WNT7B: variants seen among roughly 807,000 people sequenced by gnomAD.
The protein encoded by WNT7B is Wnt family member 7B, also known as protein Wnt-7b.
A neutral mutation model predicts 38.2 loss-of-function variants in WNT7B; 19 were observed. The observed-to-expected ratio is 0.50, with a 90% CI of 0.35 to 0.73. The LOEUF is 0.73. WNT7B is among the 30% of genes least tolerant of loss of function. The probability of loss-of-function intolerance (pLI) is 0.01; values close to 1 mark genes in which losing one functional copy is unlikely to be tolerated. For synonymous variants in WNT7B, 243 were observed against 209.3 expected, an observed-to-expected ratio of 1.16 and a Z score of -1.39; for missense variants, 423 against 507.9, an observed-to-expected ratio of 0.83 and a Z score of 1.61.
chr22:45,927,628 G>A (rs926928398), intron 3 of WNT7B: 4 of 811,968 alleles, frequency 4.9e-6, no homozygotes, highest in Non-Finnish European at 8.5e-6. Context: ...AGGTGCAGTG[G>A]CTCACACCTG....
intron 2 of WNT7B, among the ~76,000 whole-genome samples, chr22:45,935,645 C>A (rs1931496208): frequency 6.6e-6 from 1 of 152,192 alleles, no homozygotes; most frequent in African/African-American, 2.4e-5. Context: ...ACATCTGATT[C>A]TTTTCTGTAC....
chr22:45,963,487 G>A (rs980867778), intron 1 of WNT7B, among the ~76,000 whole-genome samples: 7 of 152,238 alleles, frequency 4.6e-5, no homozygotes, highest in African/African-American at 1.4e-4. Context: ...CCTGAGTGCC[G>A]TCCCTGCCTT....
chr22:45,971,936 A>G (rs958677425), intron 1 of WNT7B, among the ~76,000 whole-genome samples: 1 of 152,082 alleles, frequency 6.6e-6, no homozygotes, highest in Non-Finnish European at 1.5e-5. Flanking sequence ...CTTTGACCCC[A>G]GAGCCAGGAC....
At chr22:45,931,503 T>G in intron 2 of WNT7B, 134 bp from the exon 3 acceptor site, 3 of 1,114,140 alleles carry the variant, frequency 2.7e-6, no homozygotes, top group Non-Finnish European at 3.7e-6. Flanking sequence ...TCGCCCCCTC[T>G]GTGCCTCTGA....
At chr22:45,941,658 G>A (rs1160259062) in intron 2 of WNT7B, among the ~76,000 whole-genome samples, 1 of 152,172 alleles carries the variant, frequency 6.6e-6, no homozygotes, top group East Asian at 1.9e-4. Context: ...AGGTGCCCAG[G>A]GATGGCAGGA....
intron 1 of WNT7B, among the ~76,000 whole-genome samples, chr22:45,963,209 A>C (rs1932235655): frequency 6.6e-6 from 1 of 152,082 alleles, no homozygotes; most frequent in Non-Finnish European, 1.5e-5. Context: ...TGCATTCTCC[A>C]AAGCAGGGGA....
At chr22:45,952,698 C>T (rs527359563) in intron 1 of WNT7B, among the ~76,000 whole-genome samples, 195 of 152,330 alleles carry the variant, frequency 1.3e-3, no homozygotes, top group African/African-American at 4.5e-3. Flanking sequence ...TGGGGGGACC[C>T]TGATGGGACT....
intron 1 of WNT7B, among the ~76,000 whole-genome samples, chr22:45,969,622 G>A (rs1007620020): frequency 1.4e-4 from 21 of 152,250 alleles, no homozygotes; most frequent in African/African-American, 4.6e-4. Flanking sequence ...GGCGCAGGGC[G>A]CTTCCAGGCC....
intron 1 of WNT7B, among the ~76,000 whole-genome samples, chr22:45,960,489 A>G (rs948858188): frequency 2.6e-5 from 4 of 151,970 alleles, no homozygotes; most frequent in Admixed American, 6.6e-5. Flanking sequence ...CTGAGGGAGC[A>G]TGGGCAGCCC....
At chr22:45,946,551 G>C (rs567567130) in intron 2 of WNT7B, among the ~76,000 whole-genome samples, 5 of 152,198 alleles carry the variant, frequency 3.3e-5, no homozygotes, top group Non-Finnish European at 5.9e-5. Flanking sequence ...CCAGTCAACA[G>C]AAGACACAAG....
chr22:45,929,968 C>G (rs946111737), intron 3 of WNT7B, among the ~76,000 whole-genome samples: 1 of 150,068 alleles, frequency 6.7e-6, no homozygotes, highest in Admixed American at 6.6e-5. Flanking sequence ...ATACATCTAT[C>G]CATCCATCCA....
chr22:45,939,938 G>A (rs1246322654), intron 2 of WNT7B, among the ~76,000 whole-genome samples: 2 of 152,216 alleles, frequency 1.3e-5, no homozygotes, highest in African/African-American at 4.8e-5. Flanking sequence ...AGCAGGAGTT[G>A]GAGAGTTAGA....
chr22:45,938,510 G>A (rs193202384), intron 2 of WNT7B, among the ~76,000 whole-genome samples: 17 of 152,156 alleles, frequency 1.1e-4, no homozygotes, highest in East Asian at 5.8e-4. Flanking sequence ...GGTGGTGTGC[G>A]CCTGTAATAC....
intron 3 of WNT7B, among the ~76,000 whole-genome samples, chr22:45,924,675 G>A (rs1041092701): frequency 2.0e-5 from 3 of 151,938 alleles, no homozygotes; most frequent in African/African-American, 7.3e-5. Flanking sequence ...TAGGCTGGCA[G>A]GTGGGTGCTG....
At chr22:45,939,030 G>A (rs1931578892) in intron 2 of WNT7B, among the ~76,000 whole-genome samples, 1 of 152,204 alleles carries the variant, frequency 6.6e-6, no homozygotes, top group African/African-American at 2.4e-5. Flanking sequence ...AGCTGTCAAG[G>A]AAATGCAAAT....
rs890005835 is a variant in WNT7B at position 45,966,567 on chromosome 22, G to A, written c.71+10117C>T. On this transcript the variant is annotated intron_variant, in intron 1 of 3. Transcript: ENST00000339464. The surrounding 1 kb of genome is among the most constrained non-coding windows in gnomAD (Gnocchi z 4.2). ...CTCTTCTCCGTTGCTGCTGACACCC[G>A]GCAAGCTGCTCGTCGGGTGCGGTGG... 2.6e-5 allele frequency among the ~76,000 whole-genome samples: 4 copies of A among 152,206 alleles called. No individual in the cohort carries two copies. The highest frequency in any genetic ancestry group is 7.2e-5 in the African/African-American group (3 of 41,434).
intron 1 of WNT7B, among the ~76,000 whole-genome samples, chr22:45,969,141 G>A (rs1569126061): frequency 1.3e-5 from 2 of 152,288 alleles, no homozygotes; most frequent in African/African-American, 4.8e-5. Flanking sequence ...GGCTGGCACC[G>A]CTGACAAAGC....
intron 3 of WNT7B, chr22:45,925,757 A>G (rs1197784788): frequency 2.8e-5 from 28 of 985,142 alleles, no homozygotes; most frequent in Non-Finnish European, 3.3e-5. Context: ...AGCTGCCCTG[A>G]TGGTGGCCCC....
rs578160879 is a variant in WNT7B, at chr22:45,944,376, C to T, written c.298+5544G>A. Among the ~76,000 whole-genome samples the T allele has an allele frequency of 9.2e-5, 14 of 152,326 alleles. No homozygotes were observed. The South Asian group carries it at 2.9e-3, about 32-fold the overall frequency. On this transcript the variant is annotated intron_variant, in intron 2 of 3. Transcript: ENST00000339464. ...GCCACTGCCATAGCCCCTCAGGCTC[C>T]GTCCTCCCAGGAGCCTGTGAGCTGC...
Sources: allele counts gnomAD v4.1 joint callset (sites outside exome capture counted in the v4.1 genomes callset), GRCh38; gene constraint gnomAD v4.1.1; non-coding constraint Gnocchi (gnomAD v3.1); transcripts MANE v1.5; gene names NCBI Gene and HGNC (gene_info 2026-07-23, HGNC 2026-07-21).